The following DIAPH2 variants were observed in gnomAD, a reference collection of about 807,000 sequenced individuals.
DIAPH2 encodes diaphanous related formin 2.
DIAPH2 carries 35 observed loss-of-function variants against 92.7 expected under a neutral mutation model. The ratio of observed to expected loss-of-function variants is 0.38; its 90% CI spans 0.29 to 0.50. The LOEUF is 0.50. Among genes scored for constraint, DIAPH2 ranks in the 20% least tolerant of loss-of-function variants. The probability of loss-of-function intolerance (pLI) is 0.94; values close to 1 mark genes in which losing one functional copy is unlikely to be tolerated. For missense variants in DIAPH2, 701 were observed against 819.5 expected (o/e 0.86, Z 1.77); for synonymous variants, 301 against 280.4 (o/e 1.07, Z -0.73).
At chrX:97,462,270 G>C (rs768460497) in intron 26 of DIAPH2, among the ~76,000 whole-genome samples, 1 of 112,199 alleles carries the variant, frequency 8.9e-6, no homozygotes, top group South Asian at 3.7e-4. Flanking sequence ...AGCAGACAAA[G>C]TTGGTGGTTT....
chrX:97,046,121 T>C (rs2066482344), intron 17 of DIAPH2, among the ~76,000 whole-genome samples: 1 of 107,719 alleles, frequency 9.3e-6, no homozygotes, highest in African/African-American at 3.4e-5. Flanking sequence ...CCTCCCAAAG[T>C]ATTGGGATTA....
At chrX:97,573,532 G>T (rs1391107652) in intron 26 of DIAPH2, among the ~76,000 whole-genome samples, 3 of 111,169 alleles carry the variant, frequency 2.7e-5, no homozygotes, top group Non-Finnish European at 5.7e-5. Flanking sequence ...TCACTGGATA[G>T]TTTGGGGAGA....
chrX:97,347,085 CTTTTTTTTTTTT>C (rs763682802), intron 23 of DIAPH2, among the ~76,000 whole-genome samples: 9 of 91,246 alleles, frequency 9.9e-5, no homozygotes, highest in Non-Finnish European at 1.7e-4. Context: ...ACTATAACCT[CTTTTTTTTTTTT>C]TTTTTTTTTG....
At chrX:96,945,478 T>C (rs768329330) in intron 13 of DIAPH2, 49 bp from the exon 14 acceptor site, 2 of 961,124 alleles carry the variant, frequency 2.1e-6, no homozygotes, top group African/African-American at 4.0e-5. Flanking sequence ...GTCTTTTGTC[T>C]AGTGATCTCA....
rs370627548 is a variant in DIAPH2 at position 96,786,499 on chromosome X, A to G, written c.447+28241A>G. On this transcript the variant is annotated intron_variant, in intron 4 of 26. Transcript: ENST00000324765. Reference sequence around the variant, plus strand: ...AAATGTAATTGTTACTACAGCGGAGATAACAGATGTATTTAGATCAGCTTC... The same window carrying G: ...AAATGTAATTGTTACTACAGCGGAGGTAACAGATGTATTTAGATCAGCTTC... Among the ~76,000 whole-genome samples, 14 of 112,467 alleles carry G rather than the reference A, an allele frequency of 1.2e-4. No homozygotes were observed. In the East Asian group the frequency reaches 3.6e-3, roughly 29 times the overall value.
intron 23 of DIAPH2, among the ~76,000 whole-genome samples, chrX:97,254,698 A>AT (rs1365846469): frequency 3.7e-5 from 4 of 108,168 alleles, no homozygotes; most frequent in Non-Finnish European, 7.6e-5. Context: ...ATTTTATTTT[A>AT]TTTATTTTAT....
chrX:97,229,376 C>A (rs1222281112), intron 22 of DIAPH2, among the ~76,000 whole-genome samples: 3 of 110,992 alleles, frequency 2.7e-5, no homozygotes, highest in Non-Finnish European at 5.7e-5. Flanking sequence ...GCATGTAGAA[C>A]AGTTGCAGTG....
intron 1 of DIAPH2, among the ~76,000 whole-genome samples, chrX:96,720,266 C>T (rs1349447063): frequency 3.6e-5 from 4 of 111,587 alleles, no homozygotes; most frequent in Non-Finnish European, 5.7e-5. Context: ...TTACAAAAAT[C>T]TCTCCAGCCT....
chrX:97,562,598 G>A (rs921434989), intron 26 of DIAPH2, among the ~76,000 whole-genome samples: 2 of 111,417 alleles, frequency 1.8e-5, no homozygotes, highest in Non-Finnish European at 3.8e-5. Context: ...ATGAGGCTGA[G>A]CCAGAATTTG....
chrX:97,392,828 C>T (rs942764103), intron 25 of DIAPH2, among the ~76,000 whole-genome samples: 2 of 111,844 alleles, frequency 1.8e-5, no homozygotes, highest in African/African-American at 6.5e-5. Context: ...AAACCAGAGA[C>T]TGGTGTTATT....
intron 1 of DIAPH2, among the ~76,000 whole-genome samples, chrX:96,717,859 T>TATATATATATATATATA (rs2063961900): frequency 2.7e-5 from 2 of 73,318 alleles, no homozygotes; most frequent in Non-Finnish European, 2.6e-5. Context: ...TATATATATA[T>TATATATATATATATATA]TCACATGAGA....
At chrX:96,830,110 G>T (rs1159016657) in intron 4 of DIAPH2, among the ~76,000 whole-genome samples, 2 of 111,129 alleles carry the variant, frequency 1.8e-5, no homozygotes, top group Non-Finnish European at 3.8e-5. Flanking sequence ...GGAATTTACT[G>T]TATGATAGAT....
intron 4 of DIAPH2, among the ~76,000 whole-genome samples, chrX:96,808,218 CTAAA>C (rs763184540): frequency 9.1e-6 from 1 of 109,428 alleles, no homozygotes; most frequent in East Asian, 2.9e-4. Flanking sequence ...CAAATACTCA[CTAAA>C]TAGACAAAAC....
intron 23 of DIAPH2, among the ~76,000 whole-genome samples, chrX:97,322,459 T>A (rs1156459849): frequency 1.8e-5 from 2 of 111,590 alleles, no homozygotes; most frequent in African/African-American, 6.5e-5. Flanking sequence ...GCCATATTTT[T>A]AATTACTTCC....
intron 23 of DIAPH2, among the ~76,000 whole-genome samples, chrX:97,274,968 T>C (rs1175415103): frequency 8.9e-6 from 1 of 111,747 alleles, no homozygotes; most frequent in Non-Finnish European, 1.9e-5. Context: ...GGTAAGGTCA[T>C]AGATCAACAG....
At chrX:96,838,194 C>T (rs1225963714) in intron 4 of DIAPH2, among the ~76,000 whole-genome samples, 1 of 111,640 alleles carries the variant, frequency 9.0e-6, no homozygotes, top group Non-Finnish European at 1.9e-5. Context: ...TGATCAAATT[C>T]TGGCCTTAAA....
chrX:97,184,727 C>G (rs943105928), intron 22 of DIAPH2, among the ~76,000 whole-genome samples: 9 of 111,634 alleles, frequency 8.1e-5, no homozygotes, highest in East Asian at 5.6e-4. Context: ...ATTTCCACAA[C>G]ATGCAAACTA....
intron 22 of DIAPH2, among the ~76,000 whole-genome samples, chrX:97,221,493 G>A (rs1196780666): frequency 9.0e-6 from 1 of 111,619 alleles, no homozygotes; most frequent in Non-Finnish European, 1.9e-5. Context: ...ATTTGGTCTT[G>A]CAGCTAAATA....
chrX:96,723,834 T>A (rs1367170743), intron 1 of DIAPH2, among the ~76,000 whole-genome samples: 1 of 110,749 alleles, frequency 9.0e-6, no homozygotes, highest in Non-Finnish European at 1.9e-5. Flanking sequence ...AGGAATTTTG[T>A]AAAAAACTTG....
Sources: gnomAD v4.1 joint callset for allele counts (sites outside exome capture counted in the v4.1 genomes callset) on GRCh38, gnomAD v4.1.1 for gene constraint, MANE v1.5 for transcripts, NCBI Gene and HGNC (gene_info 2026-07-23, HGNC 2026-07-21) for gene names.